The following SSX1 variants were observed in gnomAD, a reference collection of about 807,000 sequenced individuals.
SSX1 encodes SSX family member 1, also known as protein SSX1.
Under a neutral mutation model 14.6 loss-of-function variants are expected in SSX1, and 58 were observed. The ratio of observed to expected loss-of-function variants is 3.96; its 90% CI spans 3.21 to 4.93. The LOEUF (loss-of-function observed/expected upper bound fraction) is 4.93. Among genes scored for constraint, SSX1 ranks in the 30% most tolerant of loss-of-function variants. The pLI is 0.00. For missense variants in SSX1, 272 were observed against 143.1 expected (o/e 1.90, Z -4.60); for synonymous variants, 46 against 52.1 (o/e 0.88, Z 0.50).
Position 48,257,850 on chromosome X carries a change from G to C in SSX1, c.174G>C (p.Met58Ile), listed in dbSNP as rs782339083. 8.6e-7 allele frequency: 1 copy of C among 1,166,527 alleles called. No individual in the cohort carries two copies. Among genetic ancestry groups the C allele is most frequent in the Non-Finnish European group, 1.2e-6 (1 of 861,548 alleles). Reference protein sequence around the residue: ...YVYMKRNYKAMTKLGFKVTLP... With the variant: ...YVYMKRNYKAITKLGFKVTLP... ...ATATGAAGAGAAACTATAAGGCCATGACTAAACTAGGTAACAGAAAGTTCT... is the reference window on the plus strand; with the variant it reads ...ATATGAAGAGAAACTATAAGGCCATCACTAAACTAGGTAACAGAAAGTTCT... Residue 58 changes from methionine (M) to isoleucine (I), a missense_variant, in exon 3 of 8, where the codon ATG becomes ATC. Transcript: ENST00000376919.
Position 48,257,606 on chromosome X carries a change from T to C in SSX1, c.70-140T>C, listed in dbSNP as rs782743702. ...GGGAGAAGCTAGGGTAGGTCCCCCA[T>C]GGTCTCTCAGTTAGCCATGGCATCA... is the stretch of plus-strand genomic sequence containing the variant. On this transcript the variant is annotated intron_variant, in intron 2 of 7. Transcript: ENST00000376919. 1.2e-5 allele frequency: 14 copies of C among 1,159,874 alleles called. No homozygotes were observed. In the East Asian group the frequency reaches 1.3e-4, roughly 11 times the overall value.
intron 3 of SSX1, among the ~76,000 whole-genome samples, chrX:48,258,279 A>G (rs1303548448): frequency 4.0e-5 from 4 of 98,786 alleles, no homozygotes; most frequent in Non-Finnish European, 6.1e-5. Context: ...GCAGCCTCGA[A>G]CTCCTGGGCT....
At chrX:48,265,738 A>G (rs1556936287) in intron 6 of SSX1, among the ~76,000 whole-genome samples, 1 of 112,003 alleles carries the variant, frequency 8.9e-6, no homozygotes, top group East Asian at 2.8e-4. Context: ...GCATACGTGT[A>G]TCAAAATATC....
intron 2 of SSX1, 30 bp downstream of exon 2, chrX:48,257,340 G>A (rs782792517): frequency 5.0e-6 from 6 of 1,202,189 alleles, no homozygotes; most frequent in Non-Finnish European, 6.7e-6. Flanking sequence ...GCAGAGCAGT[G>A]GTCCAGGGGA....
chrX:48,264,618 G>A (rs1157465284), intron 6 of SSX1, among the ~76,000 whole-genome samples: 1 of 111,951 alleles, frequency 8.9e-6, no homozygotes, highest in Non-Finnish European at 1.9e-5. Flanking sequence ...CTGAAGGGTG[G>A]AGTGGCTGTG....
chrX:48,259,707 T>G (rs2059597361), intron 4 of SSX1, among the ~76,000 whole-genome samples: 1 of 110,362 alleles, frequency 9.1e-6, no homozygotes, highest in Non-Finnish European at 1.9e-5. Flanking sequence ...CGGTGTTTGG[T>G]TTTTTGTTCT....
At chrX:48,260,455 A>C (rs1388258315) in intron 4 of SSX1, among the ~76,000 whole-genome samples, 2 of 111,633 alleles carry the variant, frequency 1.8e-5, no homozygotes, top group East Asian at 5.6e-4. Context: ...TCTTTAGTTT[A>C]ATTAGATCCC....
intron 5 of SSX1, among the ~76,000 whole-genome samples, chrX:48,263,402 A>C: frequency 9.0e-6 from 1 of 111,078 alleles, no homozygotes; most frequent in Non-Finnish European, 1.9e-5. Context: ...CTCTCCCAGC[A>C]GCTGTCTACG....
At chrX:48,264,909 A>G (rs1238982995) in intron 6 of SSX1, among the ~76,000 whole-genome samples, 1 of 112,554 alleles carries the variant, frequency 8.9e-6, no homozygotes, top group Non-Finnish European at 1.9e-5. Flanking sequence ...CAGCTTCTCC[A>G]TCAGTGTTTG....
At position 48,257,837 on chromosome X, in the gene SSX1, A is replaced by T. The variant is rs781910301; in HGVS notation, c.161A>T (p.Asn54Ile). ...EKISYVYMKR[N>I]YKAMTKLGFK... ...ATCAGCTATGTGTATATGAAGAGAA[A>T]CTATAAGGCCATGACTAAACTAGGT... Residue 54 changes from asparagine to isoleucine, a missense_variant, in exon 3 of 8, where the codon AAC (asparagine) becomes ATC (isoleucine). Transcript: ENST00000376919. The T allele has an allele frequency of 8.4e-7, 1 of 1,194,887 alleles. No individual in the cohort carries two copies. Among genetic ancestry groups the T allele is most frequent in the Non-Finnish European group, 1.1e-6 (1 of 883,117 alleles).
At chrX:48,263,723 T>A in intron 5 of SSX1, 59 bp from the exon 6 acceptor site, 1 of 1,196,352 alleles carries the variant, frequency 8.4e-7, no homozygotes, top group Non-Finnish European at 1.1e-6. Flanking sequence ...CTTTGTAAGC[T>A]CTAAAGCACT....
At chrX:48,258,283 C>A (rs1556934851) in intron 3 of SSX1, among the ~76,000 whole-genome samples, 1 of 103,704 alleles carries the variant, frequency 9.6e-6, no homozygotes, top group Non-Finnish European at 2.0e-5. Context: ...CCTCGAACTC[C>A]TGGGCTCAAG....
intron 6 of SSX1, among the ~76,000 whole-genome samples, chrX:48,265,353 T>G (rs1342234257): frequency 8.9e-6 from 1 of 111,985 alleles, no homozygotes; most frequent in Non-Finnish European, 1.9e-5. Flanking sequence ...GATTCTGATT[T>G]AATGTGAGAG....
In SSX1 at chrX:48,263,888, AT is replaced by A. The variant is rs782368893; in HGVS notation, c.438del (p.Asn146LysfsTer30). Reference protein sequence around the residue: ...GKQLHPPGKANISEKINKRSG... With the variant: ...GKQLHPPGKAXISEKINKRSG... ...CAACTGCACCCCCCAGGAAAAGCAA[AT>A]ATTTCTGAGAAGATTAATAAGAGAT... On this transcript the variant is annotated frameshift_variant, in exon 6 of 8. Coordinates refer to ENST00000376919, the MANE Select transcript of SSX1 (RefSeq NM_005635.4). LOFTEE classifies it high-confidence loss of function. 2.1e-5 allele frequency: 26 copies of A among 1,209,742 alleles called. No homozygotes were observed. The highest frequency in any genetic ancestry group is 2.9e-5 in the Non-Finnish European group (26 of 895,172).
intron 5 of SSX1, 65 bp downstream of exon 5, chrX:48,261,880 A>G (rs1443555094): frequency 8.6e-7 from 1 of 1,158,111 alleles, no homozygotes; most frequent in African/African-American, 1.8e-5. Flanking sequence ...GAACACTGAT[A>G]AGACAGGGAG....
intron 5 of SSX1, among the ~76,000 whole-genome samples, chrX:48,262,867 G>T (rs1181220308): frequency 5.0e-4 from 56 of 111,172 alleles, no homozygotes; most frequent in Non-Finnish European, 7.9e-4. Flanking sequence ...CGGGCGCGGG[G>T]GCTCACGACT....
rs377316498 is a variant in SSX1 at position 48,257,237 on chromosome X, G to A, written c.-5G>A. The A allele has an allele frequency of 8.3e-7, 1 of 1,210,910 alleles. No homozygotes were observed. The stretch of plus-strand genomic sequence containing the variant: ...TCTCTTGCAGGTGAGACTGCTCCTG[G>A]TGCCATGAACGGAGACGACACCTTT... On this transcript the variant is annotated 5_prime_UTR_variant, in exon 2 of 8. The change creates a new upstream start codon in the 5' untranslated region. Coordinates refer to ENST00000376919, the MANE Select transcript of SSX1 (RefSeq NM_005635.4).
chrX:48,257,990 C>T lies in SSX1; in HGVS notation c.184+130C>T, dbSNP rs1283950612. On this transcript the variant is annotated intron_variant, in intron 3 of 7. Transcript: ENST00000376919. ...TGTGCAGGGAAAAATCGCAAGGCAG[C>T]TTCTGGGGGTTCTGCTCTTCTGTAT... is the stretch of plus-strand genomic sequence containing the variant. 3.0e-5 allele frequency: 14 copies of T among 473,780 alleles called. No homozygotes were observed. In the Admixed American group the frequency reaches 5.4e-4, roughly 18 times the overall value. 39.0% of individuals were successfully genotyped at this position (473,780 alleles called of 1,213,427 possible).
Position 48,257,772 on chromosome X carries a change from C to A in SSX1, c.96C>A (p.Phe32Leu), listed in dbSNP as rs138324889. ...CCTTTGATGATATTGCCACATACTT[C>A]TCTAAGAAAGAGTGGAAAAAGATGA... ...SKAFDDIATY[F>L]SKKEWKKMKY... The change falls in exon 3 of 8, where the codon TTC becomes TTA. Residue 32 changes from phenylalanine (F) to leucine (L), a missense_variant. Coordinates refer to ENST00000376919, the MANE Select transcript of SSX1 (RefSeq NM_005635.4). The A allele has an allele frequency of 2.5e-6, 3 of 1,204,560 alleles. No homozygotes were observed. Among genetic ancestry groups the A allele is most frequent in the African/African-American group, 1.8e-5 (1 of 56,772 alleles).
Sources: gnomAD v4.1 joint callset for allele counts (sites outside exome capture counted in the v4.1 genomes callset) on GRCh38, gnomAD v4.1.1 for gene constraint, MANE v1.5 for transcripts, NCBI Gene and HGNC (gene_info 2026-07-23, HGNC 2026-07-21) for gene names.